Variants in DUS3L observed in about 807,000 individuals in gnomAD.
The protein encoded by DUS3L is tRNA-dihydrouridine(47) synthase [NAD(P)(+)]-like.
In DUS3L, 62 loss-of-function variants were observed where a neutral mutation model predicts 74.6. That is an observed-to-expected ratio of 0.83 (90% CI 0.68 to 1.03). DUS3L has a LOEUF of 1.03. DUS3L is among the 50% of genes least tolerant of loss of function. The pLI is 0.00. For missense variants in DUS3L, 884 were observed against 924.4 expected, an observed-to-expected ratio of 0.96 and a Z score of 0.57; for synonymous variants, 433 against 395.7, an observed-to-expected ratio of 1.09 and a Z score of -1.12.
Position 5,789,541 on chromosome 19 carries a change from T to C in DUS3L, c.566A>G (p.Gln189Arg). ...CGCCAACTCCTCCTGCACCAGGTTC[T>C]GTCCCTCGGGCCTCAGGTGGGCCCC... is the stretch of plus-strand genomic sequence containing the variant. Reference protein sequence around the residue: ...FAGAHLRPEGQNLVQEELAAR... With the variant: ...FAGAHLRPEGRNLVQEELAAR... The change falls in exon 3 of 13, where the codon CAG becomes CGG. Residue 189 changes from glutamine (Q) to arginine (R), a missense_variant. Physicochemically the swap from Gln to Arg is conservative, Grantham distance 43. Transcript: ENST00000309061. 6.2e-7 allele frequency: 1 copy of C among 1,602,700 alleles called. No individual in the cohort carries two copies. Among genetic ancestry groups the C allele is most frequent in the African/African-American group, 1.3e-5 (1 of 74,952 alleles).
chr19:5,787,184 G>T lies in DUS3L; in HGVS notation c.1279-13C>A. Reference sequence around the variant, plus strand: ...GCACATCCAGCACCTACAGGACGGTGGTGGGAGGTGGTGGGAGATGGTGGG... The same window carrying T: ...GCACATCCAGCACCTACAGGACGGTTGTGGGAGGTGGTGGGAGATGGTGGG... On this transcript the variant is annotated splice_polypyrimidine_tract_variant and intron_variant, in intron 7 of 12. Coordinates refer to ENST00000309061, the MANE Select transcript of DUS3L (RefSeq NM_020175.3). 1 of 991,626 alleles carries T rather than the reference G, an allele frequency of 1.0e-6. No individual in the cohort carries two copies. 61.4% of individuals were successfully genotyped at this position (991,626 alleles called of 1,614,324 possible). A position where few individuals can be genotyped will look rare whatever the true frequency, so the allele number is the denominator to read the frequency against.
intron 3 of DUS3L, among the ~76,000 whole-genome samples, chr19:5,788,705 CTT>C (rs942516959): frequency 4.9e-4 from 63 of 127,656 alleles, no homozygotes; most frequent in African/African-American, 6.2e-4. Flanking sequence ...GTGTCCAGCT[CTT>C]TTTTTTTTTT....
chr19:5,788,748 C>T (rs1278020389), intron 3 of DUS3L, among the ~76,000 whole-genome samples: 1 of 150,640 alleles, frequency 6.6e-6, no homozygotes, highest in Non-Finnish European at 1.5e-5. Context: ...GCTCTGTTGC[C>T]CAGGCTGGAG....
chr19:5,789,008 T>C, intron 3 of DUS3L, 199 bp downstream of exon 3: 4 of 707,734 alleles, frequency 5.7e-6, no homozygotes, highest in Non-Finnish European at 8.3e-6. Flanking sequence ...CCCCCGGCCC[T>C]GTCCAGCTCT....
intron 4 of DUS3L, 40 bp from the exon 5 acceptor site, chr19:5,788,216 C>T (rs774151141): frequency 2.7e-5 from 43 of 1,611,544 alleles, no homozygotes; most frequent in East Asian, 6.7e-5. Flanking sequence ...CTCTTGCACG[C>T]GCACACACAC....
chr19:5,790,681 G>GC (rs1189174386), intron 1 of DUS3L: 2 of 533,918 alleles, frequency 3.7e-6, no homozygotes, highest in Non-Finnish European at 6.7e-6. Flanking sequence ...AACACCGCAG[G>GC]CCCCAGCACG....
chr19:5,787,046 C>T lies in DUS3L; in HGVS notation c.1389+15G>A, dbSNP rs1363685896. The stretch of plus-strand genomic sequence containing the variant: ...GACCGCGAGGCCCCAATGCCCGAGG[C>T]GTCCCAAGACCCACCGTGACGAGTG... On this transcript the variant is annotated intron_variant, in intron 8 of 12. Coordinates refer to ENST00000309061, the MANE Select transcript of DUS3L (RefSeq NM_020175.3). 13 of 1,526,362 alleles carry T rather than the reference C, an allele frequency of 8.5e-6. No individual in the cohort carries two copies. The highest frequency in any genetic ancestry group is 1.4e-5 in the African/African-American group (1 of 72,890). 94.6% of individuals were successfully genotyped at this position (1,526,362 alleles called of 1,614,324 possible).
intron 4 of DUS3L, 37 bp downstream of exon 4, chr19:5,788,320 C>T (rs758886070): frequency 6.2e-7 from 1 of 1,613,340 alleles, no homozygotes; most frequent in East Asian, 2.2e-5. Flanking sequence ...CACACTGCCA[C>T]CCTGCCACCC....
chr19:5,787,350 A>G lies in DUS3L; in HGVS notation c.1224T>C (p.Cys408=), dbSNP rs777911696. 1.7e-5 allele frequency: 28 copies of G among 1,612,238 alleles called. No individual in the cohort carries two copies. Among genetic ancestry groups the G allele is most frequent in the Non-Finnish European group, 2.4e-5 (28 of 1,179,478 alleles). Residue 408 remains cysteine, a synonymous_variant, in exon 7 of 13, where the codon TGT becomes TGC. Coordinates refer to ENST00000309061, the MANE Select transcript of DUS3L (RefSeq NM_020175.3). ...IDLVYKKGGG[C]ALMNRSTKFQ... ...ACTTGGTGGAGCGATTCATGAGGGC[A>G]CAGCCCCCACCCTGGAAGAGACAGG...
At position 5,785,208 on chromosome 19, in the gene DUS3L, T is replaced by C; in HGVS notation, c.1948A>G (p.Lys650Glu). 1 of 1,606,790 alleles carries C rather than the reference T, an allele frequency of 6.2e-7. No homozygotes were observed. Among genetic ancestry groups the C allele is most frequent in the Non-Finnish European group, 8.5e-7 (1 of 1,177,362 alleles). ...GCCCCTGGGAAAGCCTGAGGCTACT[T>C]GTACGCGTTGGCCTTGTGCTTCGGC... ...FLPKHKANAYK is the reference protein window; with the variant it reads ...FLPKHKANAYE Residue 650 changes from lysine to glutamate, a missense_variant, in exon 13 of 13, where the codon AAG (lysine) becomes GAG (glutamate). Transcript: ENST00000309061.
intron 1 of DUS3L, chr19:5,790,695 C>G (rs1192565951): frequency 1.8e-6 from 1 of 540,730 alleles, no homozygotes; most frequent in Non-Finnish European, 3.3e-6. Flanking sequence ...CAGCACGCCC[C>G]GCGGCACTCG....
intron 7 of DUS3L, 23 bp from the exon 8 acceptor site, chr19:5,787,194 G>GGTGGGAGACGGTGGGAGGTC (rs1599619085): frequency 1.8e-5 from 6 of 325,544 alleles, no homozygotes; most frequent in African/African-American, 8.1e-5. Context: ...GGTGGGAGGT[G>GGTGGGAGACGGTGGGAGGTC]GTGGGAGATG....
In DUS3L at chr19:5,789,209, G is replaced by T. The variant is rs200849181; in HGVS notation, c.898C>A (p.Arg300=). 1 of 1,531,418 alleles carries T rather than the reference G, an allele frequency of 6.5e-7. No homozygotes were observed. The highest frequency in any genetic ancestry group is 8.8e-7 in the Non-Finnish European group (1 of 1,142,526). 94.9% of individuals were successfully genotyped at this position (1,531,418 alleles called of 1,614,324 possible). A position where few individuals can be genotyped will look rare whatever the true frequency, so the allele number is the denominator to read the frequency against. Residue 300 remains arginine (R), a splice_region_variant and synonymous_variant, in exon 3 of 13, where the codon CGG becomes AGG. Coordinates refer to ENST00000309061, the MANE Select transcript of DUS3L (RefSeq NM_020175.3). Reference sequence around the variant, plus strand: ...CTGACGTTGTCCTCAACACGTACCCGCTTCTTCTCACAGGGCCGCAGCCTG... The same window carrying T: ...CTGACGTTGTCCTCAACACGTACCCTCTTCTTCTCACAGGGCCGCAGCCTG... ...VVRLRPCEKK[R]LDIRGKLYLA... is the part of the protein sequence containing the mutation.
Position 5,785,522 on chromosome 19 carries a change from T to A in DUS3L, c.1752-11A>T, listed in dbSNP as rs751191035. On this transcript the variant is annotated splice_polypyrimidine_tract_variant and intron_variant, in intron 11 of 12. Coordinates refer to ENST00000309061, the MANE Select transcript of DUS3L (RefSeq NM_020175.3). ...CCCACGGGCACGTACCTGCGGCGGG[T>A]GGGCGGGCAGGACAGGCTTGAGTCA... 1.3e-6 allele frequency: 2 copies of A among 1,511,686 alleles called. No homozygotes were observed. Among genetic ancestry groups the A allele is most frequent in the South Asian group, 2.6e-5 (2 of 77,340 alleles). 93.6% of individuals were successfully genotyped at this position (1,511,686 alleles called of 1,614,324 possible). A position where few individuals can be genotyped will look rare whatever the true frequency, so the allele number is the denominator to read the frequency against.
At chr19:5,789,769 A>G in intron 2 of DUS3L, 50 bp from the exon 3 acceptor site, 1 of 1,553,964 alleles carries the variant, frequency 6.4e-7, no homozygotes, top group Non-Finnish European at 8.7e-7. Flanking sequence ...ACCCCGGGGC[A>G]GCCCAGCAGC....
rs138936621 is a variant in DUS3L at position 5,787,336 on chromosome 19, C to T, written c.1238G>A (p.Arg413His). 10 of 1,553,332 alleles carry T rather than the reference C, an allele frequency of 6.4e-6. No homozygotes were observed. Among genetic ancestry groups the T allele is most frequent in the African/African-American group, 3.3e-5 (2 of 60,774 alleles). ...KKGGGCALMN[R>H]STKFQQIVRG... The stretch of plus-strand genomic sequence containing the variant: ...GACGATCTGCTGGAACTTGGTGGAG[C>T]GATTCATGAGGGCACAGCCCCCACC... Residue 413 changes from arginine (R) to histidine (H), a missense_variant, in exon 7 of 13, where the codon CGC (arginine) becomes CAC (histidine). By Grantham distance (29) the Arg-to-His change is conservative (BLOSUM62 0). Transcript: ENST00000309061.
At chr19:5,787,759 C>T in intron 5 of DUS3L, 54 bp from the exon 6 acceptor site, 1 of 1,587,132 alleles carries the variant, frequency 6.3e-7, no homozygotes. Flanking sequence ...CGAACTGTCC[C>T]CACTTGGCCG....
chr19:5,790,219 G>T lies in DUS3L; in HGVS notation c.215C>A (p.Ala72Asp). The T allele has an allele frequency of 6.2e-7, 1 of 1,614,172 alleles. No individual in the cohort carries two copies. The highest frequency in any genetic ancestry group is 8.5e-7 in the Non-Finnish European group (1 of 1,180,038). The change falls in exon 2 of 13, where the codon GCT becomes GAT. Residue 72 changes from alanine (A) to aspartate (D), a missense_variant. Transcript: ENST00000309061. Reference sequence around the variant, plus strand: ...TCCATCCTCCAGTCGGATCCGCTTAGCCTCAGGCTCAGCCAGCTCATTGCC... The same window carrying T: ...TCCATCCTCCAGTCGGATCCGCTTATCCTCAGGCTCAGCCAGCTCATTGCC... ...PAGNELAEPE[A>D]KRIRLEDGQT...
chr19:5,787,066 C>A lies in DUS3L; in HGVS notation c.1384G>T (p.Val462Phe). The change falls in exon 8 of 13, where the codon GTC becomes TTC. Residue 462 changes from valine to phenylalanine, a missense_variant. Physicochemically the swap from Val to Phe is conservative, Grantham distance 50. Transcript: ENST00000309061. ...PELRDWGVAL[V>F]TLHGRSREQR... ...CGAGGCGTCCCAAGACCCACCGTGA[C>A]GAGTGCCACGCCCCAGTCCCGCAGC... 1 of 1,547,652 alleles carries A rather than the reference C, an allele frequency of 6.5e-7. No homozygotes were observed.
Sources: allele counts gnomAD v4.1 joint callset (sites outside exome capture counted in the v4.1 genomes callset), GRCh38; gene constraint gnomAD v4.1.1; transcripts MANE v1.5; gene names NCBI Gene and HGNC (gene_info 2026-07-23, HGNC 2026-07-21).